The following RHBDD3 variants were observed in gnomAD, a reference collection of about 807,000 sequenced individuals.
RHBDD3 encodes rhomboid domain-containing protein 3.
RHBDD3 carries 34 observed loss-of-function variants against 32.3 expected under a neutral mutation model. The ratio of observed to expected loss-of-function variants is 1.05; its 90% CI spans 0.80 to 1.40. The LOEUF is 1.40. Among genes scored for constraint, RHBDD3 ranks in the 40% most tolerant of loss-of-function variants. The pLI is 0.00. For synonymous variants in RHBDD3, 249 were observed against 239.1 expected (o/e 1.04, Z -0.38); for missense variants, 482 against 492.6 (o/e 0.98, Z 0.20).
At chr22:29,262,933 T>C (rs2058136425) in intron 4 of RHBDD3, among the ~76,000 whole-genome samples, 1 of 150,844 alleles carries the variant, frequency 6.6e-6, no homozygotes, top group Admixed American at 6.6e-5. Context: ...TGGAGTGCAG[T>C]GGCATGTTCT....
chr22:29,265,806 G>C, intron 2 of RHBDD3, 138 bp from the exon 3 acceptor site: 2 of 809,074 alleles, frequency 2.5e-6, no homozygotes, highest in Non-Finnish European at 3.6e-6. Flanking sequence ...CTTGGCCTTA[G>C]TGGAGCTCAG....
intron 2 of RHBDD3, among the ~76,000 whole-genome samples, 152 bp from the exon 3 acceptor site, chr22:29,265,820 C>T (rs1185856174): frequency 6.6e-6 from 1 of 152,204 alleles, no homozygotes. Flanking sequence ...AGCTCAGACC[C>T]TAACCCATGC....
In RHBDD3 at chr22:29,264,031, C is replaced by T. The variant is rs770892316; in HGVS notation, c.336G>A (p.Leu112=). 5.0e-5 allele frequency: 78 copies of T among 1,560,540 alleles called. No homozygotes were observed. Among genetic ancestry groups the T allele is most frequent in the Non-Finnish European group, 1.5e-5 (17 of 1,152,840 alleles). ...LLAVLLAGLG[L]SSAAGSCGYM... ...ATCCACAGCTGCCGGCTGCACTGGACAGCCCAAGGCCTGCCAGCAGCACTG... is the reference window on the plus strand; with the variant it reads ...ATCCACAGCTGCCGGCTGCACTGGATAGCCCAAGGCCTGCCAGCAGCACTG... Residue 112 remains leucine, a synonymous_variant, in exon 4 of 7, where the codon CTG becomes CTA. Coordinates refer to ENST00000216085, the MANE Select transcript of RHBDD3 (RefSeq NM_012265.3).
intron 4 of RHBDD3, chr22:29,261,199 C>T (rs1404429707): frequency 1.7e-5 from 9 of 544,314 alleles, no homozygotes; most frequent in Non-Finnish European, 2.8e-5. Flanking sequence ...CATGGACACA[C>T]CTGCTATTGC....
At chr22:29,268,051 C>G, upstream of RHBDD3, 2 of 563,486 alleles carry the variant, frequency 3.5e-6, no homozygotes, top group Non-Finnish European at 3.2e-6. Context: ...TAGTCTCGTG[C>G]TGAGAGCCTC....
At position 29,260,241 on chromosome 22, in the gene RHBDD3, T is replaced by C. The variant is rs372858569; in HGVS notation, c.984-4A>G. On this transcript the variant is annotated splice_polypyrimidine_tract_variant and splice_region_variant and intron_variant, in intron 6 of 6. Coordinates refer to ENST00000216085, the MANE Select transcript of RHBDD3 (RefSeq NM_012265.3). The stretch of plus-strand genomic sequence containing the variant: ...CATGCGCTCCAGCTGCTGCAGCCTG[T>C]TGGGGGTGGGGGGAGAAGTGGGGAG... The C allele has an allele frequency of 1.2e-6, 2 of 1,601,844 alleles. No homozygotes were observed. Among genetic ancestry groups the C allele is most frequent in the African/African-American group, 2.7e-5 (2 of 74,856 alleles).
chr22:29,262,748 C>A (rs2058133858), intron 4 of RHBDD3, among the ~76,000 whole-genome samples: 2 of 152,246 alleles, frequency 1.3e-5, no homozygotes. Context: ...GCTCTCTCGC[C>A]CAGGCTGGAG....
At chr22:29,265,366 C>G (rs2058164205) in intron 3 of RHBDD3, 113 bp downstream of exon 3, 2 of 836,098 alleles carry the variant, frequency 2.4e-6, no homozygotes, top group South Asian at 2.3e-5. Context: ...TCCCGGGACA[C>G]TGGGCCCCAT....
intron 4 of RHBDD3, among the ~76,000 whole-genome samples, chr22:29,262,971 G>A (rs2058136670): frequency 6.9e-6 from 1 of 144,270 alleles, no homozygotes; most frequent in Admixed American, 6.9e-5. Context: ...TGCCTCACAG[G>A]TTCAAGTGAT....
chr22:29,260,956 C>G (rs929736126), intron 4 of RHBDD3, 92 bp from the exon 5 acceptor site: 71 of 1,277,238 alleles, frequency 5.6e-5, no homozygotes, highest in Non-Finnish European at 7.1e-5. Flanking sequence ...GCCAAGTGTG[C>G]TGGCCACCAT....
In RHBDD3 at chr22:29,264,301, G is replaced by A. The variant is rs112988085; in HGVS notation, c.149-83C>T. The A allele has an allele frequency of 2.5e-5, 36 of 1,441,878 alleles. 1 individual carries two copies. Among genetic ancestry groups the A allele is most frequent in the South Asian group, 1.1e-4 (7 of 66,400 alleles). The allele number at this position is 1,441,878 out of a possible 1,614,324, so 89.3% of individuals were successfully genotyped here. A position where few individuals can be genotyped will look rare whatever the true frequency, so the allele number is the denominator to read the frequency against. On this transcript the variant is annotated intron_variant, in intron 3 of 6. Transcript: ENST00000216085. ...CCAGGTGTGCCAGGTTGAAGGTTAC[G>A]CTACACCAGGGCCACCTGCTGAGCC...
At position 29,260,213 on chromosome 22, in the gene RHBDD3, G is replaced by C. The variant is rs1044539036; in HGVS notation, c.1008C>G (p.Gly336=). 6.3e-7 allele frequency: 1 copy of C among 1,599,288 alleles called. No homozygotes were observed. Among genetic ancestry groups the C allele is most frequent in the East Asian group, 2.3e-5 (1 of 44,322 alleles). Residue 336 remains glycine, a synonymous_variant, in exon 7 of 7, where the codon GGC becomes GGG. Transcript: ENST00000216085. The stretch of plus-strand genomic sequence containing the variant: ...CCACCACCGCCTGCTCCGTAGGGAA[G>C]CCCATGCGCTCCAGCTGCTGCAGCC... ...SLRLQQLERM[G]FPTEQAVVAL... is the part of the protein sequence containing the mutation.
intron 4 of RHBDD3, among the ~76,000 whole-genome samples, chr22:29,262,815 T>A (rs2058134934): frequency 6.6e-6 from 1 of 152,198 alleles, no homozygotes; most frequent in Non-Finnish European, 1.5e-5. Flanking sequence ...CAAGCAATTC[T>A]CCTGTCTCAG....
At chr22:29,263,325 G>A (rs1402709854) in intron 4 of RHBDD3, among the ~76,000 whole-genome samples, 1 of 152,166 alleles carries the variant, frequency 6.6e-6, no homozygotes, top group Non-Finnish European at 1.5e-5. Context: ...TTACAGGCAT[G>A]AGCCATCGCG....
Position 29,260,740 on chromosome 22 carries a change from G to C in RHBDD3, c.657C>G (p.Ser219Arg), listed in dbSNP as rs1209068564. ...WPLRLLATPG[S>R]LAELPVTHPA... Reference sequence around the variant, plus strand: ...GATGGGTGACAGGCAGCTCCGCCAGGCTACCCGGGGTGGCAAGGAGCCTCA... The same window carrying C: ...GATGGGTGACAGGCAGCTCCGCCAGCCTACCCGGGGTGGCAAGGAGCCTCA... The change falls in exon 5 of 7, where the codon AGC becomes AGG. Residue 219 changes from serine to arginine, a missense_variant. By Grantham distance (110) the Ser-to-Arg change is moderately radical. Transcript: ENST00000216085. The C allele has an allele frequency of 6.3e-7, 1 of 1,597,100 alleles. No homozygotes were observed. The highest frequency in any genetic ancestry group is 1.1e-5 in the South Asian group (1 of 88,354).
chr22:29,265,095 TAG>T (rs1331917904), intron 3 of RHBDD3: 1 of 157,952 alleles, frequency 6.3e-6, no homozygotes, highest in African/African-American at 2.4e-5. Context: ...GTATTTTTAG[TAG>T]AGACAGGGTT....
chr22:29,265,406 G>C lies in RHBDD3; in HGVS notation c.148+73C>G. ...GTTTGACCCCTGGAGGCCTTGTGCT[G>C]CTCCTGCCAAGTGGGCCCAGGCCCT... is the stretch of plus-strand genomic sequence containing the variant. On this transcript the variant is annotated intron_variant, in intron 3 of 6. Coordinates refer to ENST00000216085, the MANE Select transcript of RHBDD3 (RefSeq NM_012265.3). The C allele has an allele frequency of 2.3e-6, 3 of 1,326,644 alleles. No homozygotes were observed. The South Asian group carries it at 5.0e-5, about 22-fold the overall frequency. The allele number at this position is 1,326,644 out of a possible 1,614,324, so 82.2% of individuals were successfully genotyped here. A position where few individuals can be genotyped will look rare whatever the true frequency, so the allele number is the denominator to read the frequency against.
intron 2 of RHBDD3, among the ~76,000 whole-genome samples, chr22:29,266,863 G>A (rs2058204996): frequency 6.6e-6 from 1 of 152,192 alleles, no homozygotes; most frequent in Admixed American, 6.5e-5. Flanking sequence ...TGCCTGCATT[G>A]TCCTTCCCTC....
At chr22:29,265,830 C>G (rs572764419) in intron 2 of RHBDD3, among the ~76,000 whole-genome samples, 162 bp from the exon 3 acceptor site, 1 of 152,172 alleles carries the variant, frequency 6.6e-6, no homozygotes, top group Non-Finnish European at 1.5e-5. Context: ...CTAACCCATG[C>G]GCTCATAAGC....
Sources: gnomAD v4.1 joint callset for allele counts (sites outside exome capture counted in the v4.1 genomes callset) on GRCh38, gnomAD v4.1.1 for gene constraint, MANE v1.5 for transcripts, NCBI Gene and HGNC (gene_info 2026-07-23, HGNC 2026-07-21) for gene names.